KIF4A: variants seen among roughly 807,000 people sequenced by gnomAD.
The protein encoded by KIF4A is chromosome-associated kinesin KIF4A.
In KIF4A, 7 loss-of-function variants were observed where a neutral mutation model predicts 105.9. The observed-to-expected ratio is 0.07, with a 90% CI of 0.04 to 0.12. The LOEUF is 0.12. Ranked by LOEUF, KIF4A falls within the 10% of genes least tolerant of loss-of-function variation. The pLI is 1.00. For missense variants in KIF4A, 558 were observed against 929.2 expected (o/e 0.60, Z 5.19); for synonymous variants, 281 against 331.3 (o/e 0.85, Z 1.65).
intron 15 of KIF4A, among the ~76,000 whole-genome samples, chrX:70,363,011 T>C (rs887012128): frequency 1.0e-4 from 11 of 109,952 alleles, no homozygotes; most frequent in Non-Finnish European, 2.1e-4. Flanking sequence ...CAGCCTTGAC[T>C]TCCTGGGTTC....
In KIF4A at chrX:70,364,673, A is replaced by G. The variant is rs182807726; in HGVS notation, c.1675-9478A>G. Among the ~76,000 whole-genome samples, 349 of 111,799 alleles carry G rather than the reference A, an allele frequency of 3.1e-3. 2 individuals carry two copies. The highest frequency in any genetic ancestry group is 0.011 in the African/African-American group (341 of 30,774). ...GTAGTATAGTTTGAAATCAGGTAGC[A>G]TGATACCTCCAACTTTGTTCTTTTG... On this transcript the variant is annotated intron_variant, in intron 15 of 30. Coordinates refer to ENST00000374403, the MANE Select transcript of KIF4A (RefSeq NM_012310.5).
At chrX:70,356,030 A>C (rs1029158223) in intron 15 of KIF4A, among the ~76,000 whole-genome samples, 24 of 111,853 alleles carry the variant, frequency 2.1e-4, no homozygotes, top group Non-Finnish European at 3.0e-4. Flanking sequence ...TTGTAATGCC[A>C]GCACTTTGGG....
intron 15 of KIF4A, among the ~76,000 whole-genome samples, chrX:70,359,509 TAA>T (rs1241828586): frequency 7.3e-5 from 7 of 96,416 alleles, no homozygotes; most frequent in Admixed American, 1.2e-4. Flanking sequence ...TCTCACATTT[TAA>T]AAAAAAAAAA....
chrX:70,351,844 G>A (rs12392105), intron 13 of KIF4A, among the ~76,000 whole-genome samples: 1,864 of 111,528 alleles, frequency 0.017, 36 homozygotes, highest in African/African-American at 0.057. Context: ...TGCAACCTCC[G>A]CCCCCCAGGT....
intron 19 of KIF4A, 104 bp from the exon 20 acceptor site, chrX:70,387,080 T>C (rs2086220526): frequency 7.2e-6 from 4 of 552,109 alleles, no homozygotes; most frequent in Admixed American, 7.2e-5. Context: ...CTGGTTCCTA[T>C]AGGAACTCAA....
Position 70,378,220 on chromosome X carries a change from C to T in KIF4A, c.2034+2010C>T, listed in dbSNP as rs972219279. Among the ~76,000 whole-genome samples the T allele has an allele frequency of 7.2e-5, 8 of 111,373 alleles. No homozygotes were observed. In the East Asian group the frequency reaches 2.3e-3, roughly 32 times the overall value. ...CTATATTAAAAAATGCAGAAAGGCT[C>T]CTGTAGCCCCAGCTACTTGGGAGGC... On this transcript the variant is annotated intron_variant, in intron 18 of 30. Transcript: ENST00000374403.
intron 7 of KIF4A, among the ~76,000 whole-genome samples, chrX:70,320,216 A>G (rs1199467): frequency 0.019 from 2,166 of 111,535 alleles, 55 homozygotes; most frequent in African/African-American, 0.068. Context: ...AGATGCACCC[A>G]CTTCCAGTCT....
At position 70,420,186 on chromosome X, in the gene KIF4A, G is replaced by C. The variant is rs1216726612; in HGVS notation, c.3620G>C (p.Gly1207Ala). The C allele has an allele frequency of 2.5e-6, 3 of 1,209,020 alleles. No homozygotes were observed. The highest frequency in any genetic ancestry group is 3.4e-6 in the Non-Finnish European group (3 of 895,033). The stretch of plus-strand genomic sequence containing the variant: ...GAATACCAAGAAAACAAGGCTCCAG[G>C]GAAGAAAAAGAAACGGGCTCTGGCC... Reference protein sequence around the residue: ...ATEYQENKAPGKKKKRALASN... With the variant: ...ATEYQENKAPAKKKKRALASN... The change falls in exon 31 of 31, where the codon GGG becomes GCG. Residue 1207 changes from glycine to alanine, a missense_variant. Transcript: ENST00000374403.
intron 15 of KIF4A, among the ~76,000 whole-genome samples, chrX:70,360,250 G>A: frequency 8.9e-6 from 1 of 112,386 alleles, no homozygotes; most frequent in East Asian, 2.8e-4. Context: ...TCCAAAGATG[G>A]GTAGAGAAAA....
chrX:70,325,848 A>C (rs2085909120), intron 7 of KIF4A, among the ~76,000 whole-genome samples: 1 of 110,783 alleles, frequency 9.0e-6, no homozygotes, highest in Non-Finnish European at 1.9e-5. Flanking sequence ...TTAAATATAG[A>C]TAGCCCTTTA....
chrX:70,416,567 C>T (rs774431352), intron 28 of KIF4A, among the ~76,000 whole-genome samples: 3 of 109,669 alleles, frequency 2.7e-5, no homozygotes, highest in African/African-American at 1.0e-4. Flanking sequence ...AACTCCTGAG[C>T]TCAAGCGATC....
At chrX:70,393,951 A>C (rs1167066286) in intron 20 of KIF4A, among the ~76,000 whole-genome samples, 1 of 99,978 alleles carries the variant, frequency 1.0e-5, no homozygotes, top group Non-Finnish European at 2.0e-5. Context: ...CTGTAGCCTT[A>C]ACCTCTTGGG....
At chrX:70,397,931 G>C (rs1444396378) in intron 22 of KIF4A, among the ~76,000 whole-genome samples, 1 of 112,206 alleles carries the variant, frequency 8.9e-6, no homozygotes, top group East Asian at 2.8e-4. Context: ...CAAGAATGTT[G>C]TAAACCGTTG....
At chrX:70,336,881 A>G (rs2085952802) in intron 10 of KIF4A, among the ~76,000 whole-genome samples, 2 of 111,538 alleles carry the variant, frequency 1.8e-5, no homozygotes, top group African/African-American at 3.3e-5. Flanking sequence ...CTGAAACTCT[A>G]TACCCACTAA....
intron 7 of KIF4A, among the ~76,000 whole-genome samples, chrX:70,319,319 T>G (rs967315603): frequency 1.4e-4 from 16 of 112,195 alleles, no homozygotes; most frequent in African/African-American, 4.9e-4. Context: ...AACGATATTT[T>G]TTCTATATTA....
chrX:70,296,125 C>G (rs2085782580), intron 3 of KIF4A, among the ~76,000 whole-genome samples: 1 of 85,866 alleles, frequency 1.2e-5, no homozygotes, highest in African/African-American at 4.4e-5. Flanking sequence ...TGCTCTGTCA[C>G]CTAGGCTGGA....
rs1602794641 is a variant in KIF4A at position 70,386,776 on chromosome X, A to G, written c.2118+75A>G. The G allele has an allele frequency of 3.9e-6, 3 of 772,055 alleles. No individual in the cohort carries two copies. In the East Asian group the frequency reaches 9.8e-5, roughly 25 times the overall value. 63.6% of individuals were successfully genotyped at this position (772,055 alleles called of 1,213,427 possible). On this transcript the variant is annotated intron_variant, in intron 19 of 30. Coordinates refer to ENST00000374403, the MANE Select transcript of KIF4A (RefSeq NM_012310.5). ...AAATGCTTGCAAAGTAATATCCTTT[A>G]AACTAGCAAGCGTCCTGAGAAACCA...
chrX:70,356,517 T>G (rs2086052061), intron 15 of KIF4A, among the ~76,000 whole-genome samples: 1 of 111,563 alleles, frequency 9.0e-6, no homozygotes, highest in South Asian at 3.8e-4. Flanking sequence ...GAGTCGAGAT[T>G]GCACCACTGC....
At chrX:70,384,864 T>C (rs1307108108) in intron 18 of KIF4A, among the ~76,000 whole-genome samples, 4 of 108,156 alleles carry the variant, frequency 3.7e-5, no homozygotes, top group Non-Finnish European at 7.7e-5. Context: ...TCATCCAGGC[T>C]GGAGTACAAT....
Sources: allele counts gnomAD v4.1 joint callset (sites outside exome capture counted in the v4.1 genomes callset), GRCh38; gene constraint gnomAD v4.1.1; transcripts MANE v1.5; gene names NCBI Gene and HGNC (gene_info 2026-07-23, HGNC 2026-07-21).